Variants in ZNF385D observed in about 807,000 individuals in gnomAD.
ZNF385D encodes the protein zinc finger protein 659.
ZNF385D carries 15 observed loss-of-function variants against 35.8 expected under a neutral mutation model. The ratio of observed to expected loss-of-function variants is 0.42; its 90% CI spans 0.28 to 0.64. The LOEUF is 0.64. Ranked by LOEUF, ZNF385D falls within the 30% of genes least tolerant of loss-of-function variation. The pLI is 0.23. For synonymous variants in ZNF385D, 212 were observed against 186.8 expected, an observed-to-expected ratio of 1.13 and a Z score of -1.10; for missense variants, 474 against 494.6, an observed-to-expected ratio of 0.96 and a Z score of 0.39.
intron 3 of ZNF385D, among the ~76,000 whole-genome samples, chr3:21,987,771 G>C (rs200709451): frequency 0.36 from 39,545 of 110,770 alleles, 10,250 homozygotes; most frequent in African/African-American, 0.68. Flanking sequence ...TGTTTTCCAA[G>C]TTGGTTCCAT....
chr3:22,301,595 G>C lies in ZNF385D; in HGVS notation c.106+70855C>G, dbSNP rs527999037. Among the ~76,000 whole-genome samples the C allele has an allele frequency of 2.6e-5, 4 of 151,930 alleles. No individual in the cohort carries two copies. The South Asian group carries it at 8.3e-4, about 32-fold the overall frequency. ...CCCATAAAGTCAAATTATGTTAGGA[G>C]GTAAAAACGTTCAGACATACAAAAA... is the stretch of plus-strand genomic sequence containing the variant. On this transcript the variant is annotated intron_variant, in intron 2 of 5. Coordinates refer to the ZNF385D transcript ENST00000494108.
intron 2 of ZNF385D, among the ~76,000 whole-genome samples, chr3:21,613,155 G>A (rs1366037790): frequency 2.0e-5 from 3 of 151,950 alleles, no homozygotes; most frequent in African/African-American, 4.8e-5. Context: ...AGTTATTTCT[G>A]TAACAGCATG....
chr3:22,225,324 G>C (rs1698490276), intron 2 of ZNF385D, among the ~76,000 whole-genome samples: 1 of 152,146 alleles, frequency 6.6e-6, no homozygotes, highest in African/African-American at 2.4e-5. Flanking sequence ...CCATTTGTCA[G>C]GGCATGTGTT....
intron 3 of ZNF385D, among the ~76,000 whole-genome samples, chr3:22,152,081 C>T (rs143935928): frequency 3.9e-5 from 6 of 152,174 alleles, no homozygotes; most frequent in Non-Finnish European, 8.8e-5. Flanking sequence ...ATTTAGCTCC[C>T]ACTTCTAAGT....
chr3:22,235,722 A>G (rs1226226783), intron 2 of ZNF385D, among the ~76,000 whole-genome samples: 1 of 152,140 alleles, frequency 6.6e-6, no homozygotes, highest in Non-Finnish European at 1.5e-5. Context: ...CTTTGCAGTT[A>G]TCCACTTATC....
At chr3:21,670,304 A>C (rs935279524) in intron 1 of ZNF385D, among the ~76,000 whole-genome samples, 1 of 151,758 alleles carries the variant, frequency 6.6e-6, no homozygotes, top group African/African-American at 2.4e-5. Flanking sequence ...ATAAATACTT[A>C]TGTTGAAATT....
intron 3 of ZNF385D, among the ~76,000 whole-genome samples, chr3:22,159,660 A>C (rs932770064): frequency 1.3e-5 from 2 of 152,124 alleles, no homozygotes; most frequent in East Asian, 3.9e-4. Context: ...ATTGGTAACA[A>C]AAGCCAGAAA....
chr3:21,436,651 A>G lies in ZNF385D; in HGVS notation c.673+319T>C, dbSNP rs141919402. Among the ~76,000 whole-genome samples, 33 of 152,260 alleles carry G rather than the reference A, an allele frequency of 2.2e-4. No homozygotes were observed. In the East Asian group the frequency reaches 6.0e-3, roughly 28 times the overall value. ...GTTTTAGAAAATGTCATTTAGATGC[A>G]AATGCATGTAAATAAATAAACAAAC... On this transcript the variant is annotated intron_variant, in intron 5 of 7. Coordinates refer to ENST00000281523, the MANE Select transcript of ZNF385D (RefSeq NM_024697.3).
chr3:22,209,600 T>C (rs77771989), intron 2 of ZNF385D, among the ~76,000 whole-genome samples: 2 of 152,016 alleles, frequency 1.3e-5, no homozygotes, highest in African/African-American at 4.8e-5. Context: ...ATTGCATTTT[T>C]CCAAGACTAT....
At chr3:22,242,381 C>T (rs1699546686) in intron 2 of ZNF385D, among the ~76,000 whole-genome samples, 1 of 150,984 alleles carries the variant, frequency 6.6e-6, no homozygotes, top group South Asian at 2.2e-4. Context: ...GAGAACCTGG[C>T]AAACATCACC....
At chr3:22,216,651 C>T (rs1383201823) in intron 2 of ZNF385D, among the ~76,000 whole-genome samples, 1 of 152,128 alleles carries the variant, frequency 6.6e-6, no homozygotes, top group Non-Finnish European at 1.5e-5. Context: ...GTAGATTGAG[C>T]TGTGTCATAG....
intron 2 of ZNF385D, among the ~76,000 whole-genome samples, chr3:22,255,803 T>G (rs77508217): frequency 6.6e-6 from 1 of 151,574 alleles, no homozygotes; most frequent in Non-Finnish European, 1.5e-5. Context: ...TTTTTTTTTT[T>G]AGTTGGGACT....
chr3:21,437,337 C>A (rs940604822), intron 4 of ZNF385D, 134 bp from the exon 5 acceptor site: 2 of 734,668 alleles, frequency 2.7e-6, no homozygotes, highest in Non-Finnish European at 4.2e-6. Context: ...GTCAAGGATG[C>A]ATCAATCACC....
At chr3:21,564,521 G>C in intron 3 of ZNF385D, 53 bp downstream of exon 3, 1 of 1,178,338 alleles carries the variant, frequency 8.5e-7, no homozygotes, top group East Asian at 2.6e-5. Flanking sequence ...TGCAAGATTA[G>C]AACAGCAAAA....
intron 3 of ZNF385D, among the ~76,000 whole-genome samples, chr3:21,895,043 A>G (rs1407402702): frequency 6.6e-6 from 1 of 152,154 alleles, no homozygotes; most frequent in African/African-American, 2.4e-5. Flanking sequence ...CAGATAGGCC[A>G]GGGAGAGCTA....
intron 3 of ZNF385D, among the ~76,000 whole-genome samples, chr3:21,884,793 G>A (rs573556766): frequency 6.6e-6 from 1 of 152,094 alleles, no homozygotes; most frequent in African/African-American, 2.4e-5. Context: ...TTGACCATAT[G>A]GCAATATTTA....
intron 3 of ZNF385D, among the ~76,000 whole-genome samples, chr3:21,971,192 T>C (rs1167474846): frequency 2.0e-5 from 3 of 152,106 alleles, no homozygotes; most frequent in Non-Finnish European, 2.9e-5. Context: ...ACTGTAATTA[T>C]GGTGTATAAA....
intron 2 of ZNF385D, among the ~76,000 whole-genome samples, chr3:22,255,271 T>TTC (rs1553637315): frequency 1.5e-4 from 22 of 150,024 alleles, no homozygotes; most frequent in South Asian, 6.3e-4. Context: ...TATCATGTAT[T>TTC]CCCCCCCCCA....
intron 3 of ZNF385D, among the ~76,000 whole-genome samples, chr3:21,551,639 CTTATT>C (rs989143297): frequency 2.0e-5 from 3 of 152,066 alleles, no homozygotes; most frequent in Non-Finnish European, 4.4e-5. Flanking sequence ...GTAATTTATG[CTTATT>C]TTAAGATGCT....
Sources: gnomAD v4.1 joint callset for allele counts (sites outside exome capture counted in the v4.1 genomes callset) on GRCh38, gnomAD v4.1.1 for gene constraint, MANE v1.5 for transcripts, NCBI Gene and HGNC (gene_info 2026-07-23, HGNC 2026-07-21) for gene names.